Variants in FAM149A observed in about 807,000 individuals in gnomAD.
FAM149A encodes the protein family with sequence similarity 149 member A, also known as protein FAM149A.
Under a neutral mutation model 78.2 loss-of-function variants are expected in FAM149A, and 71 were observed. The observed-to-expected ratio is 0.91, with a 90% CI of 0.75 to 1.11. The LOEUF (loss-of-function observed/expected upper bound fraction) is 1.11, where lower values mean the gene tolerates loss of function less well. Ranked by LOEUF, FAM149A falls within the 50% of genes least tolerant of loss-of-function variation. The pLI is 0.00. For synonymous variants in FAM149A, 446 were observed against 410.5 expected (o/e 1.09, Z -1.04); for missense variants, 1,036 against 971.0 (o/e 1.07, Z -0.89).
intron 1 of FAM149A, chr4:186,117,802 A>G (rs2099314348): frequency 2.4e-6 from 2 of 818,314 alleles, no homozygotes; most frequent in Non-Finnish European, 3.0e-6. Context: ...AGCTCTAGGA[A>G]TAAACGCCTG....
chr4:186,126,443 G>A (rs759671461), intron 1 of FAM149A, among the ~76,000 whole-genome samples: 11 of 152,284 alleles, frequency 7.2e-5, no homozygotes, highest in South Asian at 2.1e-4. Flanking sequence ...ATCAGTAGAC[G>A]CAGTGGAATC....
At chr4:186,154,968 T>TA (rs1491321705) in intron 6 of FAM149A, 1 of 51,930 alleles carries the variant, frequency 1.9e-5, no homozygotes, top group East Asian at 1.0e-3. Flanking sequence ...TATTTTGTTC[T>TA]TTTTTTTTTT....
intron 11 of FAM149A, 68 bp downstream of exon 11, chr4:186,165,532 C>T: frequency 6.5e-7 from 1 of 1,536,192 alleles, no homozygotes; most frequent in Non-Finnish European, 8.9e-7. Context: ...ACAAAAACAA[C>T]CTTGGCACTT....
rs1256812079 is a variant in FAM149A, at chr4:186,104,849, G to A, written c.-228G>A. The A allele has an allele frequency of 1.7e-6, 1 of 593,882 alleles. No homozygotes were observed. Among genetic ancestry groups the A allele is most frequent in the Non-Finnish European group, 2.1e-6 (1 of 472,184 alleles). 36.8% of individuals were successfully genotyped at this position (593,882 alleles called of 1,614,324 possible). On this transcript the variant is annotated 5_prime_UTR_variant, in exon 1 of 14. Transcript: ENST00000389354. ...GGGTCTCACGGCGCTGGGACGAGGC[G>A]GGGCTGCTCTCCGCAGCCGGGGCGC...
chr4:186,116,388 C>T, intron 1 of FAM149A: 1 of 811,318 alleles, frequency 1.2e-6, no homozygotes, highest in Non-Finnish European at 1.5e-6. Flanking sequence ...TAGACCGGAG[C>T]TGTTCCTATT....
In FAM149A at chr4:186,105,417, C is replaced by T. The variant is rs2099308361; in HGVS notation, c.341C>T (p.Ser114Phe). Residue 114 changes from serine to phenylalanine, a missense_variant, in exon 1 of 14, where the codon TCC (serine) becomes TTC (phenylalanine). Ser to Phe is a radical substitution (Grantham distance 155). Around this residue, in one of 3 missense-constraint regions of FAM149A, gnomAD observed 316 missense variants for 241.9 expected, o/e 1.31. Coordinates refer to ENST00000389354, the MANE Select transcript of FAM149A (RefSeq NM_001367768.3). ...GCCCCGCCCCAGCCCCCCACTCCCT[C>T]CGGCGGGGGCTGCTCCCCTGCTCGC... 8.4e-7 allele frequency: 1 copy of T among 1,191,484 alleles called. No individual in the cohort carries two copies. Among genetic ancestry groups the T allele is most frequent in the South Asian group, 1.5e-5 (1 of 66,988 alleles). 73.8% of individuals were successfully genotyped at this position (1,191,484 alleles called of 1,614,324 possible). A position where few individuals can be genotyped will look rare whatever the true frequency, so the allele number is the denominator to read the frequency against.
chr4:186,159,085 T>C (rs1399191447), intron 8 of FAM149A, among the ~76,000 whole-genome samples: 1 of 152,164 alleles, frequency 6.6e-6, no homozygotes, highest in Non-Finnish European at 1.5e-5. Flanking sequence ...AATGTTCTCC[T>C]TTCTTTCCAC....
chr4:186,146,474 T>C, intron 1 of FAM149A: 1 of 985,424 alleles, frequency 1.0e-6, no homozygotes, highest in Non-Finnish European at 1.2e-6. Flanking sequence ...TGAAGAGAGA[T>C]GAGTTCCTCC....
intron 1 of FAM149A, among the ~76,000 whole-genome samples, chr4:186,108,039 A>G (rs575376173): frequency 6.6e-6 from 1 of 152,328 alleles, no homozygotes; most frequent in South Asian, 2.1e-4. Flanking sequence ...TCCCTCCTGG[A>G]TTTCTGTGGT....
intron 1 of FAM149A, among the ~76,000 whole-genome samples, chr4:186,118,544 T>C (rs2099314681): frequency 6.6e-6 from 1 of 152,206 alleles, no homozygotes; most frequent in African/African-American, 2.4e-5. Flanking sequence ...GGAAAAATGA[T>C]CTGACACTAC....
chr4:186,165,618 G>A (rs1734964874), intron 11 of FAM149A, among the ~76,000 whole-genome samples, 154 bp downstream of exon 11: 1 of 152,200 alleles, frequency 6.6e-6, no homozygotes, highest in African/African-American at 2.4e-5. Context: ...GAAAGTAAAT[G>A]AATGGCTTAT....
intron 1 of FAM149A, among the ~76,000 whole-genome samples, chr4:186,116,977 T>G (rs968371683): frequency 2.0e-5 from 3 of 152,244 alleles, no homozygotes; most frequent in African/African-American, 7.2e-5. Flanking sequence ...GATTCAAATC[T>G]CATTTTGTAA....
chr4:186,151,800 C>CCT, intron 3 of FAM149A, 103 bp from the exon 4 acceptor site: 1 of 1,492,162 alleles, frequency 6.7e-7, no homozygotes, highest in Non-Finnish European at 9.0e-7. Flanking sequence ...AGTGATGCAC[C>CCT]CTCCTACATA....
At chr4:186,127,291 A>C (rs536870194) in intron 1 of FAM149A, 2 of 983,318 alleles carry the variant, frequency 2.0e-6, no homozygotes, top group Middle Eastern at 5.2e-4. Context: ...GAGTTAGTCT[A>C]CCAGCACACT....
intron 1 of FAM149A, among the ~76,000 whole-genome samples, chr4:186,120,540 T>G (rs1052956622): frequency 3.3e-5 from 5 of 151,980 alleles, no homozygotes; most frequent in African/African-American, 9.7e-5. Flanking sequence ...ACACCTGTAA[T>G]CCCAGCACTT....
At chr4:186,143,674 C>T (rs1273178770) in intron 1 of FAM149A, among the ~76,000 whole-genome samples, 1 of 152,032 alleles carries the variant, frequency 6.6e-6, no homozygotes, top group Non-Finnish European at 1.5e-5. Context: ...GAATTACAGG[C>T]ACGCACCACC....
intron 13 of FAM149A, chr4:186,169,750 C>G: frequency 1.0e-6 from 1 of 985,406 alleles, no homozygotes; most frequent in Non-Finnish European, 1.2e-6. Context: ...TGGGGGCGTC[C>G]AGAGGAGTTA....
chr4:186,120,126 G>A (rs372081948), intron 1 of FAM149A, among the ~76,000 whole-genome samples: 1 of 152,258 alleles, frequency 6.6e-6, no homozygotes, highest in East Asian at 1.9e-4. Flanking sequence ...TAAAGCCAGG[G>A]TTCTTAGCAT....
intron 1 of FAM149A, among the ~76,000 whole-genome samples, chr4:186,130,928 T>A (rs1053463504): frequency 6.6e-6 from 1 of 152,178 alleles, no homozygotes; most frequent in Admixed American, 6.6e-5. Context: ...ATGAACTGAA[T>A]GTCTGTGCCT....
Sources: gnomAD v4.1 joint callset for allele counts (sites outside exome capture counted in the v4.1 genomes callset) on GRCh38, gnomAD v4.1.1 for gene constraint, gnomAD v4.1.1 regional missense constraint, MANE v1.5 for transcripts, NCBI Gene and HGNC (gene_info 2026-07-23, HGNC 2026-07-21) for gene names.